The following XKR6 variants were observed in gnomAD, a reference collection of about 807,000 sequenced individuals.
XKR6 encodes the protein XK related 6, also known as XK-related protein 6.
Under a neutral mutation model 56.7 loss-of-function variants are expected in XKR6, and 22 were observed. The ratio of observed to expected loss-of-function variants is 0.39; its 90% CI spans 0.28 to 0.55. XKR6 has a LOEUF of 0.55. Among genes scored for constraint, XKR6 ranks in the 20% least tolerant of loss-of-function variants. The probability of loss-of-function intolerance (pLI) is 0.66; values close to 1 mark genes in which losing one functional copy is unlikely to be tolerated. For missense variants in XKR6, 852 were observed against 889.0 expected (o/e 0.96, Z 0.53); for synonymous variants, 524 against 387.8 (o/e 1.35, Z -4.13).
intron 1 of XKR6, among the ~76,000 whole-genome samples, chr8:10,966,779 G>A (rs1026644176): frequency 6.6e-6 from 1 of 152,188 alleles, no homozygotes; most frequent in Non-Finnish European, 1.5e-5. Flanking sequence ...CAGGAAACCA[G>A]GTTTTAACAA....
At position 11,165,373 on chromosome 8, in the gene XKR6, C is replaced by T. The variant is rs184058656; in HGVS notation, c.764+35203G>A. On this transcript the variant is annotated intron_variant, in intron 1 of 2. Coordinates refer to ENST00000416569, the MANE Select transcript of XKR6 (RefSeq NM_173683.4). ...TCGGCTTCCCAAAGTGCTAGGATTA[C>T]GGGCATGAGCCACAGTGCCCAGCTG... Among the ~76,000 whole-genome samples, 833 of 152,164 alleles carry T rather than the reference C, an allele frequency of 5.5e-3. 1 individual carries two copies. The highest frequency in any genetic ancestry group is 6.7e-3 in the Non-Finnish European group (455 of 68,010).
At chr8:10,925,597 A>AGCAGGT (rs1800856256) in intron 1 of XKR6, among the ~76,000 whole-genome samples, 1 of 152,184 alleles carries the variant, frequency 6.6e-6, no homozygotes. Context: ...GGGCCAAGGA[A>AGCAGGT]GCAGGTAGGG....
intron 1 of XKR6, chr8:11,137,787 C>G (rs1433365142): frequency 4.6e-6 from 2 of 433,336 alleles, no homozygotes; most frequent in African/African-American, 2.0e-5. Context: ...ACCATTTCCC[C>G]TTAAACCTCA....
intron 1 of XKR6, among the ~76,000 whole-genome samples, chr8:10,933,916 T>G (rs1290199151): frequency 2.8e-5 from 2 of 71,804 alleles, no homozygotes; most frequent in East Asian, 4.2e-4. Flanking sequence ...TCAAAGTAGT[T>G]TTTTCCAATT....
At chr8:11,073,244 T>A (rs1167571704) in intron 1 of XKR6, among the ~76,000 whole-genome samples, 3 of 152,176 alleles carry the variant, frequency 2.0e-5, no homozygotes, top group Non-Finnish European at 4.4e-5. Flanking sequence ...TTGGGATCCC[T>A]CCTGATGCAT....
chr8:11,087,638 A>C (rs1797934018), intron 1 of XKR6, among the ~76,000 whole-genome samples: 1 of 152,220 alleles, frequency 6.6e-6, no homozygotes, highest in Admixed American at 6.5e-5. Flanking sequence ...CCAGCCTAAC[A>C]TTCTGAAGAC....
rs576556332 is a variant in XKR6, at chr8:11,110,556, C to G, written c.764+90020G>C. 5.3e-5 allele frequency among the ~76,000 whole-genome samples: 8 copies of G among 152,264 alleles called. No homozygotes were observed. In the South Asian group the frequency reaches 1.5e-3, roughly 28 times the overall value. On this transcript the variant is annotated intron_variant, in intron 1 of 2. Coordinates refer to ENST00000416569, the MANE Select transcript of XKR6 (RefSeq NM_173683.4). Reference sequence around the variant, plus strand: ...TCCGTGCATTCTCTTCATTCTTTCCCCTTGATCCATTTCCAAGTTGCTCTG... The same window carrying G: ...TCCGTGCATTCTCTTCATTCTTTCCGCTTGATCCATTTCCAAGTTGCTCTG...
intron 1 of XKR6, among the ~76,000 whole-genome samples, chr8:11,005,430 A>G (rs1249566217): frequency 6.6e-6 from 1 of 152,152 alleles, no homozygotes; most frequent in Non-Finnish European, 1.5e-5. Context: ...GGGAGCAGTT[A>G]TTTAATGGGC....
intron 2 of XKR6, among the ~76,000 whole-genome samples, chr8:10,911,490 G>T (rs6989105): frequency 0.43 from 62,409 of 146,322 alleles, 15,096 homozygotes; most frequent in East Asian, 0.88. Flanking sequence ...TATATATATA[G>T]AGAGAGAGGG....
At chr8:10,914,028 C>T (rs978370553) in intron 2 of XKR6, among the ~76,000 whole-genome samples, 2 of 152,166 alleles carry the variant, frequency 1.3e-5, no homozygotes, top group Admixed American at 6.5e-5. Flanking sequence ...AATCTTGCCT[C>T]GGGATGGCCC....
At chr8:11,022,696 G>A (rs1346434925) in intron 1 of XKR6, among the ~76,000 whole-genome samples, 2 of 152,338 alleles carry the variant, frequency 1.3e-5, no homozygotes, top group East Asian at 3.9e-4. Flanking sequence ...GAGGCCCAGA[G>A]AGGTTATCTT....
At chr8:10,939,381 C>T (rs1303458258) in intron 1 of XKR6, among the ~76,000 whole-genome samples, 1 of 152,200 alleles carries the variant, frequency 6.6e-6, no homozygotes, top group Non-Finnish European at 1.5e-5. Context: ...CTTCCCAAGG[C>T]TACGCTGACC....
In XKR6 at chr8:11,200,232, C is replaced by A. The variant is rs1563215827; in HGVS notation, c.764+344G>T. Among the ~76,000 whole-genome samples the A allele has an allele frequency of 6.6e-6, 1 of 152,202 alleles. No individual in the cohort carries two copies. The highest frequency in any genetic ancestry group is 1.5e-5 in the Non-Finnish European group (1 of 68,024). On this transcript the variant is annotated intron_variant, in intron 1 of 2. Transcript: ENST00000416569. This position sits in a 1 kb window ranked among gnomAD's most constrained non-coding sequence, Gnocchi z 6.4. ...CCGGGGCCGCGAGCTGGGGTGCAGC[C>A]CAGGGCGCCCGCAGCTGGTTACCTC...
intron 1 of XKR6, among the ~76,000 whole-genome samples, chr8:10,932,898 G>T (rs1211606832): frequency 2.8e-5 from 4 of 141,592 alleles, no homozygotes; most frequent in Non-Finnish European, 6.2e-5. Flanking sequence ...GTGTGCATGT[G>T]TCTTTATAGC....
intron 1 of XKR6, among the ~76,000 whole-genome samples, chr8:10,977,966 C>A (rs1159766059): frequency 6.6e-6 from 1 of 152,156 alleles, no homozygotes; most frequent in Non-Finnish European, 1.5e-5. Context: ...CAGAAACTGT[C>A]ACCCACATGT....
At chr8:10,984,653 AAAC>A (rs1445060487) in intron 1 of XKR6, among the ~76,000 whole-genome samples, 2 of 150,072 alleles carry the variant, frequency 1.3e-5, no homozygotes, top group African/African-American at 2.4e-5. Flanking sequence ...TTCCAAATGA[AAAC>A]AACATTTTTT....
At chr8:11,039,269 G>A (rs1328002082) in intron 1 of XKR6, among the ~76,000 whole-genome samples, 2 of 152,234 alleles carry the variant, frequency 1.3e-5, no homozygotes, top group Non-Finnish European at 2.9e-5. Context: ...AAAAGAGGGA[G>A]ACTGCAGATC....
At chr8:10,902,350 T>G (rs899816193) in intron 2 of XKR6, among the ~76,000 whole-genome samples, 6 of 152,166 alleles carry the variant, frequency 3.9e-5, no homozygotes, top group Admixed American at 2.6e-4. Flanking sequence ...TAGGGGAGCT[T>G]CCCAGACCAT....
At chr8:11,064,860 A>G (rs1446800926) in intron 1 of XKR6, among the ~76,000 whole-genome samples, 2 of 152,230 alleles carry the variant, frequency 1.3e-5, no homozygotes, top group Admixed American at 6.5e-5. Context: ...ACCCTGAGCT[A>G]AGTGCAAATA....
Sources: allele counts gnomAD v4.1 joint callset (sites outside exome capture counted in the v4.1 genomes callset), GRCh38; gene constraint gnomAD v4.1.1; non-coding constraint Gnocchi (gnomAD v3.1); transcripts MANE v1.5; gene names NCBI Gene and HGNC (gene_info 2026-07-23, HGNC 2026-07-21).